The following ABCC12 variants were observed in gnomAD, a reference collection of about 807,000 sequenced individuals.
The protein encoded by ABCC12 is ATP binding cassette subfamily C member 12.
In ABCC12, 142 loss-of-function variants were observed where a neutral mutation model predicts 151.1. The observed-to-expected ratio is 0.94, with a 90% CI of 0.82 to 1.08. ABCC12 has a LOEUF of 1.08. Among genes scored for constraint, ABCC12 ranks in the 50% least tolerant of loss-of-function variants. ABCC12 has a pLI of 0.00. For missense variants in ABCC12, 1,638 were observed against 1,691.1 expected (o/e 0.97, Z 0.55); for synonymous variants, 645 against 646.4 (o/e 1.00, Z 0.03).
chr16:48,138,960 C>A (rs554562546), intron 7 of ABCC12, among the ~76,000 whole-genome samples: 1 of 152,004 alleles, frequency 6.6e-6, no homozygotes. Context: ...CAGAGCGAGA[C>A]CCTGTCACTA....
chr16:48,124,780 A>C (rs2150643542), intron 11 of ABCC12, among the ~76,000 whole-genome samples: 1 of 152,334 alleles, frequency 6.6e-6, no homozygotes, highest in Non-Finnish European at 1.5e-5. Context: ...TTATTAATTC[A>C]ACCAACAAAT....
rs778861411 is a variant in ABCC12 at position 48,115,443 on chromosome 16, G to C, written c.1961C>G (p.Thr654Arg). 1 of 1,613,932 alleles carries C rather than the reference G, an allele frequency of 6.2e-7. No individual in the cohort carries two copies. Among genetic ancestry groups the C allele is most frequent in the Admixed American group, 1.7e-5 (1 of 59,998 alleles). The change falls in exon 15 of 31, where the codon ACA becomes AGA. Residue 654 changes from threonine (T) to arginine (R), a missense_variant. By Grantham distance (71) the Thr-to-Arg change is moderately conservative. Transcript: ENST00000311303. ...ECIKKTLRGK[T>R]VVLVTHQLQF... ...TAGCTGGTGGGTCACCAGGACGACT[G>C]TCTTTCCCCTGAGCGTCTTCTTAAT...
At chr16:48,139,919 A>C (rs922117981) in intron 6 of ABCC12, among the ~76,000 whole-genome samples, 1 of 152,024 alleles carries the variant, frequency 6.6e-6, no homozygotes, top group South Asian at 2.1e-4. Flanking sequence ...CCATGATGAC[A>C]GCCATGTGCA....
rs187856274 is a variant in ABCC12 at position 48,143,895 on chromosome 16, A to G, written c.275+15T>C. 1.4e-5 allele frequency: 23 copies of G among 1,610,798 alleles called. No homozygotes were observed. The highest frequency in any genetic ancestry group is 2.2e-5 in the South Asian group (2 of 90,670). The stretch of plus-strand genomic sequence containing the variant: ...GAAAATGGACTAATACAGTGACCCA[A>G]GCAAATCCTGGTACCTTTTGGCATT... On this transcript the variant is annotated intron_variant, in intron 4 of 30. Coordinates refer to ENST00000311303, the MANE Select transcript of ABCC12 (RefSeq NM_001393797.1).
In ABCC12 at chr16:48,096,994, G is replaced by C. The variant is rs1437812550; in HGVS notation, c.3039-92C>G. On this transcript the variant is annotated intron_variant, in intron 23 of 30. Transcript: ENST00000311303. ...GTTGTGCTGTAGACTTAAGGTTAGGGTGACTGGAGAAATGAGGCCAAGGAA... is the reference window on the plus strand; with the variant it reads ...GTTGTGCTGTAGACTTAAGGTTAGGCTGACTGGAGAAATGAGGCCAAGGAA... 2.6e-6 allele frequency: 4 copies of C among 1,517,030 alleles called. No homozygotes were observed. In the Admixed American group the frequency reaches 6.8e-5, roughly 26 times the overall value. 94.0% of individuals were successfully genotyped at this position (1,517,030 alleles called of 1,614,324 possible).
intron 4 of ABCC12, among the ~76,000 whole-genome samples, chr16:48,142,061 T>A (rs1964834853): frequency 6.6e-6 from 1 of 151,994 alleles, no homozygotes; most frequent in Admixed American, 6.5e-5. Flanking sequence ...TACTGATGAA[T>A]AAGATGTGGG....
intron 23 of ABCC12, among the ~76,000 whole-genome samples, chr16:48,099,830 A>G (rs1963240098): frequency 6.6e-6 from 1 of 152,222 alleles, no homozygotes; most frequent in African/African-American, 2.4e-5. Flanking sequence ...AGTGTGGAGT[A>G]CAATCACCTA....
intron 13 of ABCC12, among the ~76,000 whole-genome samples, chr16:48,120,649 G>A (rs574477431): frequency 2.7e-4 from 40 of 149,838 alleles, no homozygotes; most frequent in Non-Finnish European, 3.5e-4. Context: ...TCCACCTCCC[G>A]GGTTCAAGCA....
intron 4 of ABCC12, among the ~76,000 whole-genome samples, chr16:48,142,808 AT>A (rs1311817018): frequency 6.6e-6 from 1 of 152,200 alleles, no homozygotes; most frequent in Non-Finnish European, 1.5e-5. Context: ...AGTATGCTTC[AT>A]TTTTTGTTTA....
At chr16:48,116,271 ACGGGG>A (rs1963880114) in intron 14 of ABCC12, among the ~76,000 whole-genome samples, 1 of 152,216 alleles carries the variant, frequency 6.6e-6, no homozygotes, top group Non-Finnish European at 1.5e-5. Context: ...TGAGTTAGGC[ACGGGG>A]CGGGACACAC....
chr16:48,104,110 C>G, intron 22 of ABCC12, 32 bp downstream of exon 22: 1 of 1,596,386 alleles, frequency 6.3e-7, no homozygotes, highest in South Asian at 1.1e-5. Flanking sequence ...GTGTGTGTAT[C>G]GTTTTCTCGT....
At chr16:48,133,226 T>C (rs754298802) in intron 9 of ABCC12, among the ~76,000 whole-genome samples, 13 of 152,144 alleles carry the variant, frequency 8.5e-5, no homozygotes, top group Non-Finnish European at 1.6e-4. Context: ...CATTTGTTTT[T>C]AAAAGTTGGA....
chr16:48,133,683 T>C lies in ABCC12; in HGVS notation c.1128+4A>G. On this transcript the variant is annotated splice_donor_region_variant and intron_variant, in intron 9 of 30. Transcript: ENST00000311303. Reference sequence around the variant, plus strand: ...AAGAGCCTCGATCTGGAGCCAGCTCTTACCACGGGTGCGGTGAGTTTGCGT... The same window carrying C: ...AAGAGCCTCGATCTGGAGCCAGCTCCTACCACGGGTGCGGTGAGTTTGCGT... The C allele has an allele frequency of 6.2e-7, 1 of 1,613,698 alleles. No individual in the cohort carries two copies. The highest frequency in any genetic ancestry group is 8.5e-7 in the Non-Finnish European group (1 of 1,179,878).
At chr16:48,102,760 G>A (rs772229090) in intron 22 of ABCC12, among the ~76,000 whole-genome samples, 7 of 152,144 alleles carry the variant, frequency 4.6e-5, no homozygotes, top group Non-Finnish European at 1.0e-4. Context: ...AACTAAACTC[G>A]TATTCTTATT....
At position 48,083,605 on chromosome 16, in the gene ABCC12, A is replaced by AGCT; in HGVS notation, c.*109_*110insAGC. 1.9e-6 allele frequency: 2 copies of AGCT among 1,077,588 alleles called. No individual in the cohort carries two copies. Among genetic ancestry groups the AGCT allele is most frequent in the East Asian group, 2.4e-5 (1 of 42,248 alleles). 66.8% of individuals were successfully genotyped at this position (1,077,588 alleles called of 1,614,324 possible). On this transcript the variant is annotated 3_prime_UTR_variant, in exon 31 of 31. Coordinates refer to ENST00000311303, the MANE Select transcript of ABCC12 (RefSeq NM_001393797.1). ...AGCCCCAGCTCACTCCGTGGATGGG[A>AGCT]GGGGCTGAAGACCAGGGCTGCCTGC...
intron 23 of ABCC12, among the ~76,000 whole-genome samples, chr16:48,100,171 G>A (rs1488140314): frequency 6.6e-6 from 1 of 152,080 alleles, no homozygotes; most frequent in Non-Finnish European, 1.5e-5. Context: ...TGTTGGCCAG[G>A]CTGGTCTCAA....
At chr16:48,148,080 C>T (rs1490749171) in intron 2 of ABCC12, among the ~76,000 whole-genome samples, 9 of 151,930 alleles carry the variant, frequency 5.9e-5, no homozygotes, top group Non-Finnish European at 1.3e-4. Flanking sequence ...ACTGAGTAGC[C>T]GGGACTAGAG....
intron 3 of ABCC12, among the ~76,000 whole-genome samples, chr16:48,145,937 T>C (rs920735903): frequency 2.0e-5 from 3 of 152,258 alleles, no homozygotes; most frequent in Non-Finnish European, 4.4e-5. Flanking sequence ...AAGCAAAAGC[T>C]ACCTGGTAAA....
At chr16:48,148,042 G>A (rs1387763756) in intron 2 of ABCC12, among the ~76,000 whole-genome samples, 1 of 152,142 alleles carries the variant, frequency 6.6e-6, no homozygotes, top group Non-Finnish European at 1.5e-5. Context: ...CTGCCTCCCG[G>A]GTTCAAGCAA....
Sources: allele counts gnomAD v4.1 joint callset (sites outside exome capture counted in the v4.1 genomes callset), GRCh38; gene constraint gnomAD v4.1.1; transcripts MANE v1.5; gene names NCBI Gene and HGNC (gene_info 2026-07-23, HGNC 2026-07-21).